FSIP1: variants seen among roughly 807,000 people sequenced by gnomAD.
FSIP1 encodes fibrous sheath-interacting protein 1.
In FSIP1, 65 loss-of-function variants were observed where a neutral mutation model predicts 60.9. The observed-to-expected ratio is 1.07, with a 90% CI of 0.87 to 1.31. The LOEUF is 1.31. Among genes scored for constraint, FSIP1 ranks in the 40% most tolerant of loss-of-function variants. The pLI is 0.00. For missense variants in FSIP1, 675 were observed against 665.5 expected, an observed-to-expected ratio of 1.01 and a Z score of -0.16; for synonymous variants, 209 against 221.2, an observed-to-expected ratio of 0.94 and a Z score of 0.49.
chr15:39,718,493 C>CT (rs11422776), intron 9 of FSIP1, among the ~76,000 whole-genome samples: 88,484 of 139,296 alleles, frequency 0.64, 30,018 homozygotes, highest in South Asian at 0.75. Context: ...GCAGACAAAC[C>CT]TTTTTTTTTT....
chr15:39,718,399 A>C (rs1003691283), intron 9 of FSIP1, among the ~76,000 whole-genome samples: 5 of 152,122 alleles, frequency 3.3e-5, no homozygotes, highest in Non-Finnish European at 7.4e-5. Flanking sequence ...TAACTTGGCA[A>C]AAATCCTGAT....
chr15:39,610,695 AACAAAG>A (rs1487186643), intron 11 of FSIP1, among the ~76,000 whole-genome samples: 4 of 152,154 alleles, frequency 2.6e-5, no homozygotes, highest in African/African-American at 9.7e-5. Context: ...ATTAAAATAA[AACAAAG>A]ACAAAGAATC....
chr15:39,737,182 A>T (rs1240713984), intron 8 of FSIP1, among the ~76,000 whole-genome samples: 2 of 152,184 alleles, frequency 1.3e-5, no homozygotes, highest in Admixed American at 6.5e-5. Flanking sequence ...CAAGTTTAGT[A>T]TGTAAACAAG....
intron 8 of FSIP1, among the ~76,000 whole-genome samples, chr15:39,733,706 A>C (rs2140620403): frequency 1.3e-5 from 2 of 152,266 alleles, no homozygotes; most frequent in South Asian, 4.1e-4. Context: ...CCAGTGAAAA[A>C]GCAAAGCCTC....
At position 39,738,144 on chromosome 15, in the gene FSIP1, C is replaced by G. The variant is rs1263006341; in HGVS notation, c.838G>C (p.Val280Leu). The change falls in exon 8 of 12, where the codon GTT becomes CTT. Residue 280 changes from valine to leucine, a missense_variant. Physicochemically the swap from Val to Leu is conservative, Grantham distance 32 (BLOSUM62 1). Coordinates refer to ENST00000350221, the MANE Select transcript of FSIP1 (RefSeq NM_152597.5). ...VMVDREKKRL[V>L]ELLKDLDEKD... Reference sequence around the variant, plus strand: ...TCATCCAAGTCCTTCAAAAGCTCAACCAGCCTTTTCTTCTCTCTGTCAACC... The same window carrying G: ...TCATCCAAGTCCTTCAAAAGCTCAAGCAGCCTTTTCTTCTCTCTGTCAACC... 1.9e-6 allele frequency: 3 copies of G among 1,613,366 alleles called. No homozygotes were observed.
chr15:39,626,523 T>C (rs973925341), intron 10 of FSIP1, among the ~76,000 whole-genome samples: 2 of 152,138 alleles, frequency 1.3e-5, no homozygotes, highest in Non-Finnish European at 2.9e-5. Context: ...CCAAATCTTA[T>C]CTCAAATTGT....
chr15:39,737,957 AG>A, intron 8 of FSIP1, 133 bp downstream of exon 8: 1 of 566,866 alleles, frequency 1.8e-6, no homozygotes, highest in Non-Finnish European at 3.0e-6. Flanking sequence ...TTAGTAAAAC[AG>A]GGTTTTTTTA....
In FSIP1 at chr15:39,620,601, T is replaced by C. The variant is rs944756960; in HGVS notation, c.1189-2356A>G. ...AATAAAAGTAATTTAAATGTATTCT[T>C]TTTTTTTTGACATGGAGTCTTGCTC... On this transcript the variant is annotated intron_variant, in intron 10 of 11. Transcript: ENST00000350221. 4.4e-4 allele frequency among the ~76,000 whole-genome samples: 66 copies of C among 149,456 alleles called. 1 individual carries two copies. Among genetic ancestry groups the C allele is most frequent in the Non-Finnish European group, 6.1e-4 (41 of 67,040 alleles).
chr15:39,751,128 G>A (rs576178577), intron 5 of FSIP1, among the ~76,000 whole-genome samples: 1 of 152,018 alleles, frequency 6.6e-6, no homozygotes, highest in South Asian at 2.1e-4. Context: ...ACAACTATTG[G>A]TGAGGGTGTG....
At chr15:39,745,137 C>T (rs1167843966) in intron 5 of FSIP1, among the ~76,000 whole-genome samples, 1 of 135,696 alleles carries the variant, frequency 7.4e-6, no homozygotes, top group East Asian at 2.5e-4. Flanking sequence ...GCTACACAAG[C>T]GTCCTCCCGA....
At chr15:39,762,557 C>G (rs1214750884) in intron 5 of FSIP1, among the ~76,000 whole-genome samples, 1 of 152,244 alleles carries the variant, frequency 6.6e-6, no homozygotes, top group Non-Finnish European at 1.5e-5. Context: ...TAGCCAGGAA[C>G]TGGCCACCAT....
chr15:39,706,409 T>A lies in FSIP1; in HGVS notation c.1188+7035A>T, dbSNP rs1242437217. Among the ~76,000 whole-genome samples, 5 of 152,324 alleles carry A rather than the reference T, an allele frequency of 3.3e-5. No individual in the cohort carries two copies. The East Asian group carries it at 9.6e-4, about 29-fold the overall frequency. ...ATTCTTTTGGCTGGCCTAACGGGTG[T>A]ATATAGTTCCTACAGGTTGTCTGAA... On this transcript the variant is annotated intron_variant, in intron 10 of 11. Transcript: ENST00000350221.
intron 10 of FSIP1, among the ~76,000 whole-genome samples, chr15:39,695,267 T>G (rs886693294): frequency 5.3e-5 from 8 of 152,022 alleles, no homozygotes; most frequent in African/African-American, 1.9e-4. Context: ...GTGTTCTCTG[T>G]CAGCCTCCCC....
At chr15:39,780,683 A>C (rs1179799528) in intron 1 of FSIP1, among the ~76,000 whole-genome samples, 1 of 152,226 alleles carries the variant, frequency 6.6e-6, no homozygotes, top group Non-Finnish European at 1.5e-5. Context: ...CAATTCTAAA[A>C]CTTGCTCAAA....
rs977737452 is a variant in FSIP1, at chr15:39,718,876, G to A, written c.1051-5295C>T. Among the ~76,000 whole-genome samples the A allele has an allele frequency of 5.1e-4, 78 of 152,118 alleles. 1 individual carries two copies. Among genetic ancestry groups the A allele is most frequent in the Non-Finnish European group, 9.1e-4 (62 of 68,028 alleles). Reference sequence around the variant, plus strand: ...CTCCATACCTAAGAGGTATACACCCGAAGGTTGGATTCTAGCTTCCAATCC... The same window carrying A: ...CTCCATACCTAAGAGGTATACACCCAAAGGTTGGATTCTAGCTTCCAATCC... On this transcript the variant is annotated intron_variant, in intron 9 of 11. Coordinates refer to ENST00000350221, the MANE Select transcript of FSIP1 (RefSeq NM_152597.5).
chr15:39,631,936 A>G (rs958218805), intron 10 of FSIP1, among the ~76,000 whole-genome samples: 5 of 152,212 alleles, frequency 3.3e-5, no homozygotes, highest in Admixed American at 3.3e-4. Flanking sequence ...ACATTTTCTA[A>G]TCATGTCATG....
intron 10 of FSIP1, among the ~76,000 whole-genome samples, chr15:39,627,003 C>G (rs57969006): frequency 6.6e-6 from 1 of 152,038 alleles, no homozygotes; most frequent in Non-Finnish European, 1.5e-5. Context: ...ACAGAGAACA[C>G]TCAGCTAGGC....
chr15:39,717,747 A>C (rs1895797320), intron 9 of FSIP1, among the ~76,000 whole-genome samples: 1 of 152,224 alleles, frequency 6.6e-6, no homozygotes, highest in Admixed American at 6.5e-5. Flanking sequence ...ACCCAGCAAG[A>C]AACGTGCCCA....
At chr15:39,745,911 C>A (rs1474574235) in intron 5 of FSIP1, among the ~76,000 whole-genome samples, 3 of 152,050 alleles carry the variant, frequency 2.0e-5, no homozygotes, top group Admixed American at 6.5e-5. Context: ...AAGACCCCAT[C>A]TCTACAGAAA....
Sources: allele counts gnomAD v4.1 joint callset (sites outside exome capture counted in the v4.1 genomes callset), GRCh38; gene constraint gnomAD v4.1.1; transcripts MANE v1.5; gene names NCBI Gene and HGNC (gene_info 2026-07-23, HGNC 2026-07-21).